The following NUDT19 variants were observed in gnomAD, a reference collection of about 807,000 sequenced individuals.
NUDT19 encodes nudix hydrolase 19.
In NUDT19, 31 loss-of-function variants were observed where a neutral mutation model predicts 22.2. The ratio of observed to expected loss-of-function variants is 1.40; its 90% CI spans 1.05 to 1.89. NUDT19 has a LOEUF of 1.89. Ranked by LOEUF, NUDT19 falls within the 40% of genes most tolerant of loss-of-function variation. The pLI is 0.00. For missense variants in NUDT19, 752 were observed against 514.2 expected (o/e 1.46, Z -4.47); for synonymous variants, 325 against 230.8 (o/e 1.41, Z -3.70).
intron 1 of NUDT19, among the ~76,000 whole-genome samples, chr19:32,706,291 C>T (rs1334826331): frequency 6.6e-6 from 1 of 152,176 alleles, no homozygotes; most frequent in African/African-American, 2.4e-5. Context: ...TACCCTCAGT[C>T]AACCAAGGTC....
intron 1 of NUDT19, among the ~76,000 whole-genome samples, chr19:32,692,883 G>T (rs1331002551): frequency 2.6e-5 from 4 of 152,218 alleles, no homozygotes; most frequent in Admixed American, 6.5e-5. Flanking sequence ...AGGCTTTGGG[G>T]TCTCAAGGCC....
At chr19:32,704,270 T>C (rs1599800771) in intron 1 of NUDT19, among the ~76,000 whole-genome samples, 1 of 152,100 alleles carries the variant, frequency 6.6e-6, no homozygotes, top group African/African-American at 2.4e-5. Flanking sequence ...GGTAACTTTT[T>C]TTTTTTTTTT....
chr19:32,709,282 C>T lies in NUDT19; in HGVS notation c.812C>T (p.Ala271Val), dbSNP rs1568435207. ...FYEVRRLANFASLSDLHKFCL... is the reference protein window; with the variant it reads ...FYEVRRLANFVSLSDLHKFCL... ...GAAGTGAGAAGACTTGCAAACTTTG[C>T]CTCTCTCTCTGACTTGCACAAATTT... The change falls in exon 2 of 3, where the codon GCC (alanine) becomes GTC (valine). Residue 271 changes from alanine (A) to valine (V), a missense_variant. Coordinates refer to ENST00000397061, the MANE Select transcript of NUDT19 (RefSeq NM_001105570.2). 9.3e-6 allele frequency: 15 copies of T among 1,613,844 alleles called. No homozygotes were observed. Among genetic ancestry groups the T allele is most frequent in the Non-Finnish European group, 1.3e-5 (15 of 1,179,882 alleles).
chr19:32,697,946 C>T (rs748037399), intron 1 of NUDT19, among the ~76,000 whole-genome samples: 8 of 152,130 alleles, frequency 5.3e-5, no homozygotes, highest in Non-Finnish European at 8.8e-5. Context: ...GGGACATAAC[C>T]GATAGCCCGG....
At chr19:32,699,951 T>G (rs2145361121) in intron 1 of NUDT19, among the ~76,000 whole-genome samples, 2 of 152,180 alleles carry the variant, frequency 1.3e-5, no homozygotes, top group Middle Eastern at 6.8e-3. Flanking sequence ...CTCTTAAAGG[T>G]GGCATGTCTG....
Position 32,698,012 on chromosome 19 carries a change from C to T in NUDT19, c.714+5338C>T, listed in dbSNP as rs151181644. Among the ~76,000 whole-genome samples, 449 of 152,148 alleles carry T rather than the reference C, an allele frequency of 3.0e-3. 3 individuals are homozygous for T. Among genetic ancestry groups the T allele is most frequent in the African/African-American group, 9.9e-3 (413 of 41,512 alleles). On this transcript the variant is annotated intron_variant, in intron 1 of 2. Transcript: ENST00000397061. Reference sequence around the variant, plus strand: ...TCTTTGCTTATTTCCTTCTGGGCAGCGGACATTAGAGGAGGATTATCATTA... The same window carrying T: ...TCTTTGCTTATTTCCTTCTGGGCAGTGGACATTAGAGGAGGATTATCATTA...
rs763260004 is a variant in NUDT19 at position 32,692,582 on chromosome 19, A to G, written c.622A>G (p.Thr208Ala). Residue 208 changes from threonine to alanine, a missense_variant, in exon 1 of 3, where the codon ACC becomes GCC. By Grantham distance (58) the Thr-to-Ala change is moderately conservative. Transcript: ENST00000397061. ...SAWLTPFLRG[T>A]TRRFDTAFFL... Reference sequence around the variant, plus strand: ...CTGGCTCACCCCTTTCTTGCGGGGCACCACTCGCCGCTTTGACACGGCCTT... The same window carrying G: ...CTGGCTCACCCCTTTCTTGCGGGGCGCCACTCGCCGCTTTGACACGGCCTT... The G allele has an allele frequency of 7.6e-6, 12 of 1,589,258 alleles. No homozygotes were observed. The highest frequency in any genetic ancestry group is 9.4e-6 in the Non-Finnish European group (11 of 1,171,148).
chr19:32,710,697 C>T (rs939385197), intron 2 of NUDT19, among the ~76,000 whole-genome samples: 6 of 151,686 alleles, frequency 4.0e-5, no homozygotes, highest in East Asian at 3.9e-4. Context: ...AGTTCGAGAC[C>T]GGCCTGACCA....
chr19:32,709,137 A>G (rs777180371), intron 1 of NUDT19, 48 bp from the exon 2 acceptor site: 1 of 1,312,818 alleles, frequency 7.6e-7, no homozygotes, highest in South Asian at 1.2e-5. Flanking sequence ...CAAGTCTCAC[A>G]TTGTCTATGG....
intron 1 of NUDT19, among the ~76,000 whole-genome samples, chr19:32,705,008 A>G (rs1448563936): frequency 6.6e-6 from 1 of 151,604 alleles, no homozygotes; most frequent in Non-Finnish European, 1.5e-5. Flanking sequence ...TTGGGGGGCC[A>G]AGGCAGAAGA....
chr19:32,703,481 TAGGATTAC>T (rs926440632), intron 1 of NUDT19, among the ~76,000 whole-genome samples: 4 of 151,852 alleles, frequency 2.6e-5, no homozygotes, highest in Admixed American at 6.6e-5. Context: ...CCCAGGTAGC[TAGGATTAC>T]AGGCATGCAC....
chr19:32,701,576 T>C lies in NUDT19; in HGVS notation c.715-7609T>C, dbSNP rs538624170. Among the ~76,000 whole-genome samples, 4 of 152,158 alleles carry C rather than the reference T, an allele frequency of 2.6e-5. No homozygotes were observed. The South Asian group carries it at 8.3e-4, about 31-fold the overall frequency. On this transcript the variant is annotated intron_variant, in intron 1 of 2. Coordinates refer to ENST00000397061, the MANE Select transcript of NUDT19 (RefSeq NM_001105570.2). The stretch of plus-strand genomic sequence containing the variant: ...AATGTGGAAATCTTCAACTAATAAT[T>C]GTGGAGTTGTCTTTTTCACCTTTTA...
intron 1 of NUDT19, among the ~76,000 whole-genome samples, chr19:32,697,240 A>G (rs1968274788): frequency 1.3e-5 from 2 of 152,094 alleles, no homozygotes; most frequent in Non-Finnish European, 1.5e-5. Context: ...GGTCCCTATT[A>G]TAGAACACTG....
chr19:32,697,392 G>A (rs1968277123), intron 1 of NUDT19, among the ~76,000 whole-genome samples: 1 of 152,182 alleles, frequency 6.6e-6, no homozygotes, highest in South Asian at 2.1e-4. Context: ...TCGGGTGACA[G>A]GGGAGTGTAT....
Position 32,693,326 on chromosome 19 carries a change from C to A in NUDT19, c.714+652C>A, listed in dbSNP as rs796149307. Among the ~76,000 whole-genome samples the A allele has an allele frequency of 1.4e-4, 21 of 152,062 alleles. 1 individual carries two copies. The highest frequency in any genetic ancestry group is 5.1e-4 in the African/African-American group (21 of 41,490). On this transcript the variant is annotated intron_variant, in intron 1 of 2. Coordinates refer to ENST00000397061, the MANE Select transcript of NUDT19 (RefSeq NM_001105570.2). ...GACCTTCGCAGTGAGTGTTACAGCT[C>A]TTAAAGGTGGTGCGTCAGGAGTTGT...
rs60766132 is a variant in NUDT19, at chr19:32,703,648, C to CTTT, written c.715-5507_715-5505dup. 2.4e-3 allele frequency among the ~76,000 whole-genome samples: 167 copies of CTTT among 68,400 alleles called. 9 individuals carry two copies. The highest frequency in any genetic ancestry group is 0.012 in the Middle Eastern group (1 of 82). The allele number at this position is 68,400 out of a possible 152,430, so 44.9% of individuals were successfully genotyped here. A position where few individuals can be genotyped will look rare whatever the true frequency, so the allele number is the denominator to read the frequency against. On this transcript the variant is annotated intron_variant, in intron 1 of 2. Transcript: ENST00000397061. ...ACAGGTGTGGGCCACTGTGCCCAGCCTTTTTTTTTTTTTTTTTTTTTTTTT... is the reference window on the plus strand; with the variant it reads ...ACAGGTGTGGGCCACTGTGCCCAGCCTTTTTTTTTTTTTTTTTTTTTTTTTTTT...
At chr19:32,706,355 T>A (rs1968386976) in intron 1 of NUDT19, among the ~76,000 whole-genome samples, 1 of 152,212 alleles carries the variant, frequency 6.6e-6, no homozygotes, top group South Asian at 2.1e-4. Flanking sequence ...CACCAACTTT[T>A]ACTACACGAA....
chr19:32,697,289 G>C (rs1366441677), intron 1 of NUDT19, among the ~76,000 whole-genome samples: 1 of 152,132 alleles, frequency 6.6e-6, no homozygotes, highest in East Asian at 1.9e-4. Context: ...AGTTTGTTCA[G>C]GGCCCAGGGC....
chr19:32,700,287 G>A (rs368148933), intron 1 of NUDT19, among the ~76,000 whole-genome samples: 38 of 152,250 alleles, frequency 2.5e-4, no homozygotes, highest in African/African-American at 5.3e-4. Context: ...TGATTGGTCC[G>A]TTTTTACAGA....
Sources: gnomAD v4.1 joint callset for allele counts (sites outside exome capture counted in the v4.1 genomes callset) on GRCh38, gnomAD v4.1.1 for gene constraint, MANE v1.5 for transcripts, NCBI Gene and HGNC (gene_info 2026-07-23, HGNC 2026-07-21) for gene names.